GPC3: variants seen among roughly 807,000 people sequenced by gnomAD.
The protein encoded by GPC3 is glypican 3.
A neutral mutation model predicts 34.4 loss-of-function variants in GPC3; 3 were observed. That is an observed-to-expected ratio of 0.09 (90% confidence interval 0.04 to 0.23). GPC3 has a LOEUF of 0.23. Ranked by LOEUF, GPC3 falls within the 10% of genes least tolerant of loss-of-function variation. The pLI is 1.00. For missense variants in GPC3, 351 were observed against 445.6 expected (o/e 0.79, Z 1.91); for synonymous variants, 177 against 174.0 (o/e 1.02, Z -0.13).
At chrX:133,768,435 C>T (rs1163210579) in intron 2 of GPC3, among the ~76,000 whole-genome samples, 2 of 111,126 alleles carry the variant, frequency 1.8e-5, no homozygotes, top group East Asian at 2.8e-4. Flanking sequence ...TACCTGAACA[C>T]TACCTATGAT....
chrX:133,596,723 T>G (rs990541184), intron 6 of GPC3, 124 bp from the exon 7 acceptor site: 44 of 726,629 alleles, frequency 6.1e-5, no homozygotes, highest in Non-Finnish European at 9.3e-5. Context: ...AAAAAATCAC[T>G]TTCAAATTTA....
At chrX:133,896,687 A>T (rs2076115285) in intron 2 of GPC3, among the ~76,000 whole-genome samples, 1 of 111,046 alleles carries the variant, frequency 9.0e-6, no homozygotes, top group Non-Finnish European at 1.9e-5. Context: ...CCGTAAATTA[A>T]ATCAGACTCA....
At position 133,985,496 on chromosome X, in the gene GPC3, G is replaced by A. The variant is rs1449412005; in HGVS notation, c.-47C>T. ...AGAGCGCGGGAGAGTGGCAGCCGGA[G>A]CGAGAGCAGTCCCAGGACTCGGCAA... On this transcript the variant is annotated 5_prime_UTR_variant, in exon 1 of 8. Transcript: ENST00000370818. 1.9e-5 allele frequency: 21 copies of A among 1,113,531 alleles called. No individual in the cohort carries two copies. The highest frequency in any genetic ancestry group is 2.5e-5 in the Non-Finnish European group (21 of 827,167). 91.8% of individuals were successfully genotyped at this position (1,113,531 alleles called of 1,213,427 possible). A position where few individuals can be genotyped will look rare whatever the true frequency, so the allele number is the denominator to read the frequency against.
intron 2 of GPC3, among the ~76,000 whole-genome samples, chrX:133,793,612 A>T (rs1458014403): frequency 9.0e-6 from 1 of 110,743 alleles, no homozygotes; most frequent in Non-Finnish European, 1.9e-5. Context: ...CTTGCACACA[A>T]CCCCTCAGGC....
intron 6 of GPC3, among the ~76,000 whole-genome samples, chrX:133,614,993 C>T (rs551891057): frequency 1.2e-3 from 136 of 111,754 alleles, no homozygotes; most frequent in South Asian, 1.9e-3. Context: ...CTAAAACTGA[C>T]TCAAGAAAAA....
chrX:133,859,473 T>C (rs899644951), intron 2 of GPC3, among the ~76,000 whole-genome samples: 3 of 111,604 alleles, frequency 2.7e-5, no homozygotes, highest in Non-Finnish European at 5.6e-5. Context: ...AACTGTTGCC[T>C]AGGAAATCTG....
intron 3 of GPC3, among the ~76,000 whole-genome samples, chrX:133,748,879 C>T (rs997746692): frequency 1.8e-5 from 2 of 111,781 alleles, no homozygotes; most frequent in African/African-American, 6.5e-5. Context: ...CACTTCCAAC[C>T]TCTGGGGCTT....
intron 1 of GPC3, among the ~76,000 whole-genome samples, chrX:133,960,580 A>G (rs922451068): frequency 1.8e-5 from 2 of 111,693 alleles, no homozygotes; most frequent in Non-Finnish European, 3.8e-5. Context: ...TCAAACAGCA[A>G]CAGAAGAGAA....
At chrX:133,598,450 T>G (rs1448261108) in intron 6 of GPC3, among the ~76,000 whole-genome samples, 1 of 111,553 alleles carries the variant, frequency 9.0e-6, no homozygotes, top group Non-Finnish European at 1.9e-5. Context: ...GTGGCACTAT[T>G]TAACAGTTTT....
At chrX:133,973,634 C>T (rs778151648) in intron 1 of GPC3, among the ~76,000 whole-genome samples, 1 of 111,823 alleles carries the variant, frequency 8.9e-6, no homozygotes, top group Non-Finnish European at 1.9e-5. Context: ...TTATACAACC[C>T]TCCCCAACCC....
intron 7 of GPC3, among the ~76,000 whole-genome samples, chrX:133,538,269 G>C (rs1046487480): frequency 8.9e-6 from 1 of 112,279 alleles, no homozygotes; most frequent in Non-Finnish European, 1.9e-5. Context: ...GCTGTCAGTC[G>C]GCAAGGATAG....
chrX:133,869,882 G>C, intron 2 of GPC3, among the ~76,000 whole-genome samples: 1 of 112,346 alleles, frequency 8.9e-6, no homozygotes, highest in East Asian at 2.8e-4. Context: ...ATGAACCCAG[G>C]AGGCAGAGCT....
At chrX:133,951,840 T>G (rs981658587) in intron 2 of GPC3, among the ~76,000 whole-genome samples, 1 of 111,928 alleles carries the variant, frequency 8.9e-6, no homozygotes, top group East Asian at 2.8e-4. Flanking sequence ...CTGAACAATT[T>G]TCTTAGCTAA....
chrX:133,630,395 G>A (rs137972842), intron 6 of GPC3, among the ~76,000 whole-genome samples: 2 of 111,570 alleles, frequency 1.8e-5, no homozygotes, highest in African/African-American at 3.3e-5. Context: ...GCAAACTCTC[G>A]TTTTGAATTA....
chrX:133,882,556 T>C (rs960845835), intron 2 of GPC3, among the ~76,000 whole-genome samples: 2 of 111,066 alleles, frequency 1.8e-5, no homozygotes, highest in African/African-American at 6.6e-5. Flanking sequence ...TGTGTGTGTG[T>C]GTGGCTTAAC....
intron 2 of GPC3, among the ~76,000 whole-genome samples, chrX:133,763,966 C>A (rs1413376650): frequency 8.9e-6 from 1 of 111,894 alleles, no homozygotes; most frequent in Admixed American, 9.5e-5. Context: ...AAGACACATA[C>A]ACTCACATGT....
Position 133,536,136 on chromosome X carries a change from G to A in GPC3, c.1731C>T (p.Phe577=), listed in dbSNP as rs745400193. The change falls in exon 8 of 8, where the codon TTC becomes TTT. Residue 577 remains phenylalanine (F), a synonymous_variant. Coordinates refer to ENST00000370818, the MANE Select transcript of GPC3 (RefSeq NM_004484.4). ...SMAISVVCFF[F]LVH The stretch of plus-strand genomic sequence containing the variant: ...GGGCACCAGGCAGTCAGTGCACCAG[G>A]AAGAAGAAGCACACCACCGAGATGG... 2 of 1,200,307 alleles carry A rather than the reference G, an allele frequency of 1.7e-6. No homozygotes were observed. The highest frequency in any genetic ancestry group is 2.2e-6 in the Non-Finnish European group (2 of 889,423).
chrX:133,543,582 C>T (rs1300301674), intron 7 of GPC3, among the ~76,000 whole-genome samples: 1 of 112,615 alleles, frequency 8.9e-6, no homozygotes, highest in East Asian at 2.8e-4. Flanking sequence ...TCTTTAGTTA[C>T]AACAATAGGA....
At position 133,799,920 on chromosome X, in the gene GPC3, A is replaced by T. The variant is rs530066134; in HGVS notation, c.338-45744T>A. On this transcript the variant is annotated intron_variant, in intron 2 of 7. Transcript: ENST00000370818. ...CCACCTGTCTAGAAGGATAAGCTCT[A>T]CAGCTTTCCAGGTGTCCTGATGAGT... Among the ~76,000 whole-genome samples the T allele has an allele frequency of 3.6e-5, 4 of 112,172 alleles. No individual in the cohort carries two copies. In the South Asian group the frequency reaches 1.5e-3, roughly 42 times the overall value.
Sources: allele counts gnomAD v4.1 joint callset (sites outside exome capture counted in the v4.1 genomes callset), GRCh38; gene constraint gnomAD v4.1.1; transcripts MANE v1.5; gene names NCBI Gene and HGNC (gene_info 2026-07-23, HGNC 2026-07-21).